The following PADI3 variants were observed in gnomAD, a reference collection of about 807,000 sequenced individuals.
The protein encoded by PADI3 is peptidyl arginine deiminase 3, also known as protein-arginine deiminase type-3.
PADI3 carries 53 observed loss-of-function variants against 71.5 expected under a neutral mutation model. That is an observed-to-expected ratio of 0.74 (90% CI 0.59 to 0.93). PADI3 has a LOEUF of 0.93. Ranked by LOEUF, PADI3 falls within the 40% of genes least tolerant of loss-of-function variation. The pLI is 0.00. For synonymous variants in PADI3, 361 were observed against 347.5 expected, an observed-to-expected ratio of 1.04 and a Z score of -0.43; for missense variants, 821 against 868.0, an observed-to-expected ratio of 0.95 and a Z score of 0.68.
intron 11 of PADI3, among the ~76,000 whole-genome samples, chr1:17,276,170 A>C (rs964302678): frequency 2.6e-5 from 4 of 152,130 alleles, no homozygotes; most frequent in Admixed American, 6.5e-5. Flanking sequence ...CCCCATCTCT[A>C]GTAAAAATAC....
chr1:17,265,521 GC>G, intron 3 of PADI3, 137 bp from the exon 4 acceptor site: 1 of 749,312 alleles, frequency 1.3e-6, no homozygotes, highest in South Asian at 1.6e-5. Flanking sequence ...CCCAGAGGGT[GC>G]AGATGCCCTC....
intron 6 of PADI3, 115 bp from the exon 7 acceptor site, chr1:17,270,118 A>T: frequency 1.7e-6 from 2 of 1,172,382 alleles, no homozygotes; most frequent in Non-Finnish European, 2.4e-6. Context: ...GAAAGGAGGG[A>T]GTTGTTGGAG....
chr1:17,276,955 G>A (rs1164484982), intron 13 of PADI3, 79 bp downstream of exon 13: 5 of 1,248,688 alleles, frequency 4.0e-6, no homozygotes, highest in Non-Finnish European at 5.6e-6. Context: ...CTTGAGAGGG[G>A]GAGGGCAAGT....
intron 1 of PADI3, among the ~76,000 whole-genome samples, chr1:17,259,043 G>C (rs1230134285): frequency 6.6e-6 from 1 of 152,152 alleles, no homozygotes; most frequent in Admixed American, 6.5e-5. Context: ...ATGAACACAG[G>C]GGCTTAGAAC....
Position 17,280,703 on chromosome 1 carries a change from G to A in PADI3, c.1668G>A (p.Lys556=). The change falls in exon 15 of 16, where the codon AAG becomes AAA. Residue 556 remains lysine, a synonymous_variant. Transcript: ENST00000375460. ...SCIDWNREVL[K]RELGLAECDI... is the part of the protein sequence containing the mutation. ...TCGACTGGAACCGTGAGGTGCTGAA[G>A]CGGGAGCTGGGCCTGGCAGAGTGTG... 3 of 1,614,176 alleles carry A rather than the reference G, an allele frequency of 1.9e-6. No homozygotes were observed. The highest frequency in any genetic ancestry group is 2.2e-5 in the South Asian group (2 of 91,078).
chr1:17,254,601 G>T (rs2073005352), intron 1 of PADI3, among the ~76,000 whole-genome samples: 2 of 152,076 alleles, frequency 1.3e-5, no homozygotes, highest in South Asian at 4.1e-4. Context: ...GGCTGTGGGG[G>T]ATACCTTCCT....
Position 17,265,678 on chromosome 1 carries a change from C to A in PADI3, c.366C>A (p.Asp122Glu). Reference protein sequence around the residue: ...LTCVDISLDCDLNCEGRQDRN... With the variant: ...LTCVDISLDCELNCEGRQDRN... The stretch of plus-strand genomic sequence containing the variant: ...TTGCAGACATCTCTCTGGATTGCGA[C>A]CTGAACTGTGAGGGAAGGCAGGACA... Residue 122 changes from aspartate (D) to glutamate (E), a missense_variant, in exon 4 of 16, where the codon GAC becomes GAA. Asp to Glu is a conservative substitution (Grantham distance 45). Coordinates refer to ENST00000375460, the MANE Select transcript of PADI3 (RefSeq NM_016233.2). 10 of 1,614,164 alleles carry A rather than the reference C, an allele frequency of 6.2e-6. No individual in the cohort carries two copies. The highest frequency in any genetic ancestry group is 8.5e-6 in the Non-Finnish European group (10 of 1,180,008).
intron 3 of PADI3, among the ~76,000 whole-genome samples, chr1:17,264,821 G>C (rs369472492): frequency 6.6e-6 from 1 of 152,014 alleles, no homozygotes; most frequent in South Asian, 2.1e-4. Context: ...GACCAGCCTA[G>C]GCAACATGGT....
chr1:17,252,954 G>T (rs571727136), intron 1 of PADI3, among the ~76,000 whole-genome samples: 11 of 152,328 alleles, frequency 7.2e-5, no homozygotes, highest in African/African-American at 2.4e-4. Context: ...TCCCCAGGCT[G>T]GTTCAGTGAG....
intron 1 of PADI3, among the ~76,000 whole-genome samples, chr1:17,259,345 C>T (rs1017102560): frequency 2.0e-5 from 3 of 152,158 alleles, no homozygotes; most frequent in African/African-American, 7.2e-5. Context: ...GTGATCCATC[C>T]GCCTCGGCTT....
intron 3 of PADI3, 56 bp downstream of exon 3, chr1:17,262,261 C>G: frequency 7.4e-7 from 1 of 1,348,732 alleles, no homozygotes; most frequent in Non-Finnish European, 1.0e-6. Context: ...AAAATTCAAG[C>G]AGTACAAAAG....
chr1:17,259,700 C>CTGG lies in PADI3; in HGVS notation c.215_216insTGG (p.Ala72_Thr73insGly), dbSNP rs2073078899. 2 of 1,613,140 alleles carry CTGG rather than the reference C, an allele frequency of 1.2e-6. No homozygotes were observed. The highest frequency in any genetic ancestry group is 2.7e-5 in the African/African-American group (2 of 74,830). ...GACACCAGGCGGTGGCGCTTTGACG[C>CTGG]GACTTTGGAGATCATCGTGGTCATG... is the stretch of plus-strand genomic sequence containing the variant. On this transcript the variant is annotated inframe_insertion, in exon 2 of 16. Transcript: ENST00000375460.
chr1:17,258,999 G>A (rs2073064643), intron 1 of PADI3, among the ~76,000 whole-genome samples: 1 of 152,242 alleles, frequency 6.6e-6, no homozygotes, highest in South Asian at 2.1e-4. Context: ...CGCCATTCTG[G>A]TGAGTGGTAA....
At chr1:17,258,636 C>A (rs1414653705) in intron 1 of PADI3, among the ~76,000 whole-genome samples, 1 of 152,250 alleles carries the variant, frequency 6.6e-6, no homozygotes, top group African/African-American at 2.4e-5. Context: ...TGTGATGCAA[C>A]CTCAGGCTTG....
chr1:17,282,136 T>C (rs2100607857), intron 15 of PADI3, among the ~76,000 whole-genome samples: 1 of 152,230 alleles, frequency 6.6e-6, no homozygotes, highest in South Asian at 2.1e-4. Flanking sequence ...ATCTTGTAAT[T>C]ATATATGTGC....
intron 1 of PADI3, among the ~76,000 whole-genome samples, chr1:17,253,568 T>C (rs2072991880): frequency 6.6e-6 from 1 of 152,150 alleles, no homozygotes; most frequent in African/African-American, 2.4e-5. Flanking sequence ...TTCTCAACCC[T>C]GGAAGTGTGT....
At chr1:17,264,979 A>C (rs2073148249) in intron 3 of PADI3, among the ~76,000 whole-genome samples, 1 of 149,886 alleles carries the variant, frequency 6.7e-6, no homozygotes, top group Non-Finnish European at 1.5e-5. Context: ...ACTGCACTCC[A>C]GCCTGGGCGA....
intron 11 of PADI3, among the ~76,000 whole-genome samples, chr1:17,275,545 C>A (rs1161311314): frequency 6.6e-6 from 1 of 151,042 alleles, no homozygotes; most frequent in Non-Finnish European, 1.5e-5. Context: ...ATGTAAATGA[C>A]TAATATAAGA....
In PADI3 at chr1:17,253,403, T is replaced by C. The variant is rs2072989369; in HGVS notation, c.92+4174T>C. On this transcript the variant is annotated intron_variant, in intron 1 of 15. Coordinates refer to ENST00000375460, the MANE Select transcript of PADI3 (RefSeq NM_016233.2). ...AGGGGGCAACCTTGACCTGAGCGGG[T>C]GCACAGCTCTCGCACCTCAGAATGA... 2.0e-5 allele frequency among the ~76,000 whole-genome samples: 3 copies of C among 152,214 alleles called. No individual in the cohort carries two copies. In the South Asian group the frequency reaches 6.2e-4, roughly 32 times the overall value.
Sources: allele counts gnomAD v4.1 joint callset (sites outside exome capture counted in the v4.1 genomes callset), GRCh38; gene constraint gnomAD v4.1.1; transcripts MANE v1.5; gene names NCBI Gene and HGNC (gene_info 2026-07-23, HGNC 2026-07-21).